The following APBB2 variants were observed in gnomAD, a reference collection of about 807,000 sequenced individuals.
APBB2 encodes amyloid beta precursor protein binding family B member 2, also known as Fe65-like 1.
APBB2 carries 38 observed loss-of-function variants against 82.5 expected under a neutral mutation model. The ratio of observed to expected loss-of-function variants is 0.46; its 90% confidence interval spans 0.36 to 0.60. The LOEUF (loss-of-function observed/expected upper bound fraction) is 0.60. Ranked by LOEUF, APBB2 falls within the 20% of genes least tolerant of loss-of-function variation. APBB2 has a pLI of 0.00. For synonymous variants in APBB2, 341 were observed against 368.2 expected (o/e 0.93, Z 0.85); for missense variants, 772 against 972.3 (o/e 0.79, Z 2.74).
intron 6 of APBB2, among the ~76,000 whole-genome samples, chr4:40,964,924 T>C (rs534318425): frequency 1.3e-5 from 2 of 152,120 alleles, no homozygotes; most frequent in Non-Finnish European, 1.5e-5. Flanking sequence ...ATCGAGACCA[T>C]CCTGGCTAAC....
intron 6 of APBB2, among the ~76,000 whole-genome samples, chr4:41,004,005 G>A (rs982638115): frequency 3.9e-5 from 6 of 152,218 alleles, no homozygotes; most frequent in South Asian, 2.1e-4. Context: ...GAGCCACCAC[G>A]CCCAGCCTGA....
At chr4:41,152,232 A>T (rs1042798839) in intron 1 of APBB2, among the ~76,000 whole-genome samples, 4 of 151,888 alleles carry the variant, frequency 2.6e-5, no homozygotes, top group African/African-American at 4.8e-5. Flanking sequence ...AAAATATTTC[A>T]TACCTAGTAA....
chr4:40,879,397 C>T (rs568284276), intron 12 of APBB2, among the ~76,000 whole-genome samples: 3 of 152,246 alleles, frequency 2.0e-5, no homozygotes, highest in African/African-American at 7.2e-5. Context: ...ACAAGCCATT[C>T]CAAAGCTTGA....
intron 11 of APBB2, 77 bp downstream of exon 11, chr4:40,893,188 G>T: frequency 6.4e-7 from 1 of 1,554,654 alleles, no homozygotes; most frequent in Non-Finnish European, 8.8e-7. Flanking sequence ...AGTACCATGT[G>T]TCACTGAGCT....
Position 41,151,371 on chromosome 4 carries a change from G to A in APBB2, c.-416-8229C>T, listed in dbSNP as rs141722044. 4.0e-3 allele frequency among the ~76,000 whole-genome samples: 605 copies of A among 152,270 alleles called. 19 individuals carry two copies. Among genetic ancestry groups the A allele is most frequent in the Admixed American group, 0.033 (503 of 15,288 alleles). On this transcript the variant is annotated intron_variant, in intron 1 of 17. Transcript: ENST00000508593. Reference sequence around the variant, plus strand: ...TCAATACAATAGCCACTAGGCACACGTGCCTTGAAATGCAGCTAACTAGCA... The same window carrying A: ...TCAATACAATAGCCACTAGGCACACATGCCTTGAAATGCAGCTAACTAGCA...
At chr4:41,174,346 C>A (rs1045926365) in intron 1 of APBB2, among the ~76,000 whole-genome samples, 1 of 152,256 alleles carries the variant, frequency 6.6e-6, no homozygotes, top group East Asian at 1.9e-4. Flanking sequence ...AAGCTATAAA[C>A]CTGCTCCCCA....
chr4:40,990,149 A>T (rs1407501965), intron 6 of APBB2: 1 of 152,226 alleles, frequency 6.6e-6, no homozygotes, highest in Non-Finnish European at 1.5e-5. Flanking sequence ...TTTAAAGTGG[A>T]AGGGGTCTAT....
At chr4:41,058,718 C>G in intron 4 of APBB2, among the ~76,000 whole-genome samples, 1 of 152,206 alleles carries the variant, frequency 6.6e-6, no homozygotes, top group East Asian at 1.9e-4. Context: ...ATCTAAAGTT[C>G]TGCAGAAATC....
At chr4:40,933,350 G>A (rs1016863916) in intron 10 of APBB2, among the ~76,000 whole-genome samples, 15 of 152,130 alleles carry the variant, frequency 9.9e-5, no homozygotes, top group African/African-American at 3.4e-4. Context: ...ATCAGGGGCG[G>A]GTAAATCAAG....
intron 5 of APBB2, among the ~76,000 whole-genome samples, chr4:41,032,567 G>A (rs1442741194): frequency 1.3e-5 from 2 of 151,864 alleles, no homozygotes; most frequent in African/African-American, 2.4e-5. Context: ...ATTGAGAAAC[G>A]CAACACCAAC....
At chr4:41,178,587 G>A (rs1265276886) in intron 1 of APBB2, among the ~76,000 whole-genome samples, 1 of 152,200 alleles carries the variant, frequency 6.6e-6, no homozygotes, top group Non-Finnish European at 1.5e-5. Flanking sequence ...GTAAACATTT[G>A]TTGGATGAAT....
rs116427525 is a variant in APBB2, at chr4:40,815,664, T to G, written c.*428A>C. 5.9e-6 allele frequency: 1 copy of G among 169,552 alleles called. No homozygotes were observed. The highest frequency in any genetic ancestry group is 2.4e-5 in the African/African-American group (1 of 42,188). 10.5% of individuals were successfully genotyped at this position (169,552 alleles called of 1,614,324 possible). A position where few individuals can be genotyped will look rare whatever the true frequency, so the allele number is the denominator to read the frequency against. Reference sequence around the variant, plus strand: ...CTGCTATGCAGTGCCTACTCCAATGTTGAAAACAGGGCAAAGTGCTGTAGG... The same window carrying G: ...CTGCTATGCAGTGCCTACTCCAATGGTGAAAACAGGGCAAAGTGCTGTAGG... On this transcript the variant is annotated 3_prime_UTR_variant, in exon 18 of 18. Coordinates refer to ENST00000508593, the MANE Select transcript of APBB2 (RefSeq NM_004307.2).
At chr4:40,892,316 G>A (rs1255273426) in intron 11 of APBB2, 1 of 152,234 alleles carries the variant, frequency 6.6e-6, no homozygotes, top group African/African-American at 2.4e-5. Context: ...CAACAGAAGA[G>A]GGTAAATGGC....
chr4:41,204,526 G>T (rs1777472277), intron 1 of APBB2, among the ~76,000 whole-genome samples: 1 of 152,196 alleles, frequency 6.6e-6, no homozygotes, highest in Non-Finnish European at 1.5e-5. Flanking sequence ...TCTCCTGGAA[G>T]CTTTGCCCCA....
chr4:41,184,789 G>A (rs1772415689), intron 1 of APBB2, among the ~76,000 whole-genome samples: 1 of 152,136 alleles, frequency 6.6e-6, no homozygotes, highest in Admixed American at 6.5e-5. Flanking sequence ...TCCTTCCCAG[G>A]GTAGTCCACA....
In APBB2 at chr4:40,810,278, C is replaced by T. The variant is rs1456646333; in HGVS notation, c.*5814G>A. ...CTTAGATTTACATTTATCAGTAAAA[C>T]GTGTCAGTGGGCTGGGTGCAGTGGC... On this transcript the variant is annotated 3_prime_UTR_variant, in exon 18 of 18. Coordinates refer to ENST00000508593, the MANE Select transcript of APBB2 (RefSeq NM_004307.2). 1.3e-5 allele frequency: 2 copies of T among 151,976 alleles called. No individual in the cohort carries two copies. The highest frequency in any genetic ancestry group is 2.1e-4 in the South Asian group (1 of 4,826). The allele number at this position is 151,976 out of a possible 1,614,324, so 9.4% of individuals were successfully genotyped here.
chr4:41,027,118 T>A (rs1214114934), intron 5 of APBB2, among the ~76,000 whole-genome samples: 1 of 152,080 alleles, frequency 6.6e-6, no homozygotes, highest in African/African-American at 2.4e-5. Flanking sequence ...GGGAGATGGA[T>A]TTCAGACTGA....
At chr4:41,162,917 C>A (rs1173440359) in intron 1 of APBB2, among the ~76,000 whole-genome samples, 1 of 152,040 alleles carries the variant, frequency 6.6e-6, no homozygotes. Context: ...CACTGAGTAT[C>A]AATAAGGGCA....
In APBB2 at chr4:40,819,839, G is replaced by T. The variant is rs144950021; in HGVS notation, c.2112+2032C>A. The stretch of plus-strand genomic sequence containing the variant: ...TTCTTATTTATTTTTTTGAGACAGG[G>T]TCTCGCTCTGTCACCCAGGCTGGAC... On this transcript the variant is annotated intron_variant, in intron 17 of 17. Transcript: ENST00000508593. Among the ~76,000 whole-genome samples the T allele has an allele frequency of 1.5e-3, 231 of 152,022 alleles. 1 individual carries two copies. The highest frequency in any genetic ancestry group is 4.6e-3 in the African/African-American group (189 of 41,458).
Sources: gnomAD v4.1 joint callset for allele counts (sites outside exome capture counted in the v4.1 genomes callset) on GRCh38, gnomAD v4.1.1 for gene constraint, MANE v1.5 for transcripts, NCBI Gene and HGNC (gene_info 2026-07-23, HGNC 2026-07-21) for gene names.